The following XRN1 variants were observed in gnomAD, a reference collection of about 807,000 sequenced individuals.
XRN1 encodes strand-exchange protein 1 homolog.
Under a neutral mutation model 222.3 loss-of-function variants are expected in XRN1, and 67 were observed. The ratio of observed to expected loss-of-function variants is 0.30; its 90% CI spans 0.25 to 0.37. XRN1 has a LOEUF of 0.37. XRN1 is among the 10% of genes least tolerant of loss of function. The pLI is 1.00. For missense variants in XRN1, 1,707 were observed against 2,000.2 expected, an observed-to-expected ratio of 0.85 and a Z score of 2.80; for synonymous variants, 643 against 652.4, an observed-to-expected ratio of 0.99 and a Z score of 0.22.
At chr3:142,445,222 TTCTC>T (rs1559893150) in intron 1 of XRN1, among the ~76,000 whole-genome samples, 2 of 152,176 alleles carry the variant, frequency 1.3e-5, no homozygotes, top group African/African-American at 4.8e-5. Flanking sequence ...ACTTCTAACT[TTCTC>T]TGTCATCTCA....
Position 142,376,471 on chromosome 3 carries a change from A to G in XRN1, c.2831+8T>C. On this transcript the variant is annotated splice_region_variant and intron_variant, in intron 24 of 40. Coordinates refer to ENST00000392981, the MANE Select transcript of XRN1 (RefSeq NM_001282857.2). ...CACTTTAAGTAAATTTCTCTAACAT[A>G]AACTTACTTTCTCCTAGATCCTCTT... The G allele has an allele frequency of 6.3e-7, 1 of 1,597,152 alleles. No individual in the cohort carries two copies. Among genetic ancestry groups the G allele is most frequent in the African/African-American group, 1.3e-5 (1 of 74,514 alleles).
intron 1 of XRN1, among the ~76,000 whole-genome samples, chr3:142,443,652 GCAAAAACAAACAAACAAA>G (rs1228023792): frequency 6.6e-6 from 1 of 152,122 alleles, no homozygotes; most frequent in Non-Finnish European, 1.5e-5. Flanking sequence ...TCTTGCAACT[GCAAAAACAAACAAACAAA>G]CAAAAACAAA....
chr3:142,329,588 G>A lies in XRN1; in HGVS notation c.4250C>T (p.Ala1417Val). Residue 1417 changes from alanine to valine, a missense_variant, in exon 37 of 41, where the codon GCT becomes GTT. By Grantham distance (64) the Ala-to-Val change is moderately conservative. Around this residue, in one of 2 missense-constraint regions of XRN1, gnomAD observed 473 missense variants for 482.0 expected, o/e 0.98. Coordinates refer to ENST00000392981, the MANE Select transcript of XRN1 (RefSeq NM_001282857.2). Reference sequence around the variant, plus strand: ...AGACTGAACATTATGGTACTCATTAGCACTGTGAGGCTTGTTCATATAAGA... The same window carrying A: ...AGACTGAACATTATGGTACTCATTAACACTGTGAGGCTTGTTCATATAAGA... ...LASYMNKPHSANEYHNVQSMD... is the reference protein window; with the variant it reads ...LASYMNKPHSVNEYHNVQSMD... The A allele has an allele frequency of 6.4e-7, 1 of 1,552,190 alleles. No homozygotes were observed. Among genetic ancestry groups the A allele is most frequent in the Non-Finnish European group, 8.6e-7 (1 of 1,157,690 alleles).
At chr3:142,408,280 C>T (rs2108048852) in intron 15 of XRN1, among the ~76,000 whole-genome samples, 1 of 152,252 alleles carries the variant, frequency 6.6e-6, no homozygotes, top group Non-Finnish European at 1.5e-5. Context: ...CCATTTGGGG[C>T]ATTGTGGGGA....
intron 5 of XRN1, among the ~76,000 whole-genome samples, chr3:142,424,131 T>C (rs1476892062): frequency 6.6e-6 from 1 of 152,102 alleles, no homozygotes; most frequent in Non-Finnish European, 1.5e-5. Flanking sequence ...AGTCTCGCTC[T>C]GTTGCCCAGG....
intron 13 of XRN1, 129 bp downstream of exon 13, chr3:142,417,011 A>G (rs1437893267): frequency 1.8e-6 from 1 of 565,100 alleles, no homozygotes; most frequent in Non-Finnish European, 2.8e-6. Context: ...CCTGGGCAAC[A>G]GAGTGAAAAA....
intron 37 of XRN1, among the ~76,000 whole-genome samples, chr3:142,322,515 G>A (rs2065383958): frequency 6.6e-6 from 1 of 151,848 alleles, no homozygotes; most frequent in Admixed American, 6.6e-5. Context: ...GGTGAACCCT[G>A]TCTCTACTAA....
At chr3:142,430,070 C>T (rs918521349) in intron 2 of XRN1, among the ~76,000 whole-genome samples, 2 of 152,124 alleles carry the variant, frequency 1.3e-5, no homozygotes, top group Non-Finnish European at 2.9e-5. Context: ...TATTGGATCA[C>T]AGATAAAGGA....
intron 15 of XRN1, among the ~76,000 whole-genome samples, chr3:142,410,135 T>C (rs1405343610): frequency 6.6e-6 from 1 of 152,208 alleles, no homozygotes; most frequent in Non-Finnish European, 1.5e-5. Context: ...GGACCTCCAG[T>C]AAAACGTTAG....
In XRN1 at chr3:142,397,332, T is replaced by C; in HGVS notation, c.2336A>G (p.Glu779Gly). 2 of 1,586,564 alleles carry C rather than the reference T, an allele frequency of 1.3e-6. No homozygotes were observed. The highest frequency in any genetic ancestry group is 8.6e-7 in the Non-Finnish European group (1 of 1,167,546). ...AAATACTTTTAACGATACTCACTGT[T>C]CTGAAATTCCTTGTACTTCTTTTGC... ...NWAKEVQGIS[E>G]HYLRRKGIII... The change falls in exon 20 of 41, where the codon GAA (glutamate) becomes GGA (glycine). Residue 779 changes from glutamate to glycine, a missense_variant. Glu to Gly is a moderately conservative substitution (Grantham distance 98). Coordinates refer to ENST00000392981, the MANE Select transcript of XRN1 (RefSeq NM_001282857.2).
At chr3:142,371,848 A>C (rs2067000912) in intron 25 of XRN1, among the ~76,000 whole-genome samples, 1 of 152,230 alleles carries the variant, frequency 6.6e-6, no homozygotes, top group Non-Finnish European at 1.5e-5. Context: ...ACAGACCTAG[A>C]GAGACAGATG....
intron 30 of XRN1, among the ~76,000 whole-genome samples, chr3:142,357,365 G>A (rs954250287): frequency 6.6e-6 from 1 of 152,100 alleles, no homozygotes; most frequent in Non-Finnish European, 1.5e-5. Context: ...CTAGGGGTGT[G>A]TGTCGATTTG....
rs2065002715 is a variant in XRN1 at position 142,308,017 on chromosome 3, T to C, written c.*3494A>G. The C allele has an allele frequency of 3.3e-5, 5 of 152,182 alleles. No homozygotes were observed. In the Middle Eastern group the frequency reaches 0.01, roughly 308 times the overall value. 9.4% of individuals were successfully genotyped at this position (152,182 alleles called of 1,614,324 possible). ...CTCATAAGGCTGAGAAATTGTACAGTTGCTTTAAAAAACTGTGCTCTAAAT... is the reference window on the plus strand; with the variant it reads ...CTCATAAGGCTGAGAAATTGTACAGCTGCTTTAAAAAACTGTGCTCTAAAT... On this transcript the variant is annotated 3_prime_UTR_variant, in exon 41 of 41. Coordinates refer to ENST00000392981, the MANE Select transcript of XRN1 (RefSeq NM_001282857.2).
At chr3:142,433,680 T>C (rs1409465482) in intron 1 of XRN1, among the ~76,000 whole-genome samples, 7 of 152,200 alleles carry the variant, frequency 4.6e-5, no homozygotes, top group Admixed American at 4.6e-4. Context: ...GGAACTGAAA[T>C]GGGTAAAACT....
At chr3:142,434,716 C>T (rs1470984790) in intron 1 of XRN1, among the ~76,000 whole-genome samples, 2 of 151,982 alleles carry the variant, frequency 1.3e-5, no homozygotes, top group African/African-American at 4.8e-5. Flanking sequence ...GTGATTGCAT[C>T]ACCAAACTCC....
At chr3:142,371,007 C>T (rs948389393) in intron 26 of XRN1, among the ~76,000 whole-genome samples, 3 of 151,776 alleles carry the variant, frequency 2.0e-5, no homozygotes, top group African/African-American at 4.8e-5. Context: ...TGGAGGCGTA[C>T]GCCTAATAGG....
intron 9 of XRN1, 121 bp from the exon 10 acceptor site, chr3:142,421,274 T>C: frequency 9.6e-7 from 1 of 1,041,866 alleles, no homozygotes; most frequent in East Asian, 2.7e-5. Flanking sequence ...TACTCTTTTA[T>C]ATATATGGGA....
chr3:142,346,485 C>CT (rs1252729302), intron 33 of XRN1, among the ~76,000 whole-genome samples: 492 of 142,892 alleles, frequency 3.4e-3, no homozygotes, highest in African/African-American at 4.8e-3. Flanking sequence ...CAATCATCCT[C>CT]TTTTTTTTTT....
chr3:142,362,890 C>A (rs2066691767), intron 29 of XRN1, among the ~76,000 whole-genome samples: 2 of 151,660 alleles, frequency 1.3e-5, no homozygotes, highest in South Asian at 2.1e-4. Context: ...CCCACCTCAC[C>A]CTCCTGATTA....
Sources: allele counts gnomAD v4.1 joint callset (sites outside exome capture counted in the v4.1 genomes callset), GRCh38; gene constraint gnomAD v4.1.1; regional missense constraint gnomAD v4.1.1; transcripts MANE v1.5; gene names NCBI Gene and HGNC (gene_info 2026-07-23, HGNC 2026-07-21).